Variants in LIMCH1 observed in about 807,000 individuals in gnomAD.
LIMCH1 encodes the protein LIM and calponin homology domains-containing protein 1.
Under a neutral mutation model 176.5 loss-of-function variants are expected in LIMCH1, and 113 were observed. The ratio of observed to expected loss-of-function variants is 0.64; its 90% CI spans 0.55 to 0.75. The LOEUF (loss-of-function observed/expected upper bound fraction) is 0.75. Among genes scored for constraint, LIMCH1 ranks in the 30% least tolerant of loss-of-function variants. The pLI, the probability that LIMCH1 is intolerant of heterozygous loss-of-function variation, is 0.00. For missense variants in LIMCH1, 1,674 were observed against 1,814.9 expected (o/e 0.92, Z 1.41); for synonymous variants, 619 against 645.9 (o/e 0.96, Z 0.63).
At chr4:41,483,383 A>G (rs1329551033) in intron 1 of LIMCH1, among the ~76,000 whole-genome samples, 1 of 152,140 alleles carries the variant, frequency 6.6e-6, no homozygotes, top group East Asian at 1.9e-4. Context: ...ATCATTGGCT[A>G]TACATAGGAG....
intron 27 of LIMCH1, among the ~76,000 whole-genome samples, chr4:41,685,073 A>C (rs1361574290): frequency 6.6e-6 from 1 of 152,200 alleles, no homozygotes; most frequent in Non-Finnish European, 1.5e-5. Context: ...TCAAATGTTG[A>C]ATGATATAAA....
chr4:41,626,988 AAAAG>A lies in LIMCH1; in HGVS notation c.1009_1012del (p.Arg337ValfsTer2). On this transcript the variant is annotated frameshift_variant, in exon 8 of 32. Transcript: ENST00000503057. LOFTEE classifies it high-confidence loss of function. ...ACAGCTCTCAAAGGGAATCTCAAAA[AAAAG>A]AAGTCTAGAATATAAAAGGTGTGCA... is the stretch of plus-strand genomic sequence containing the variant. 1 of 1,534,710 alleles carries A rather than the reference AAAAG, an allele frequency of 6.5e-7. No homozygotes were observed. The highest frequency in any genetic ancestry group is 2.4e-5 in the East Asian group (1 of 40,884).
At position 41,484,032 on chromosome 4, in the gene LIMCH1, A is replaced by G. The variant is rs372538841; in HGVS notation, c.97-10504A>G. 1.9e-3 allele frequency among the ~76,000 whole-genome samples: 293 copies of G among 152,372 alleles called. 1 individual carries two copies. The South Asian group carries it at 0.022, about 11-fold the overall frequency. On this transcript the variant is annotated intron_variant, in intron 1 of 26. Transcript: ENST00000313860. ...GCTTTAAAATAGAAGCAATAATCAA[A>G]CACCATAAAGTTGTTATGAGGTTTA...
At chr4:41,457,518 T>C (rs2064763363) in intron 1 of LIMCH1, among the ~76,000 whole-genome samples, 1 of 152,166 alleles carries the variant, frequency 6.6e-6, no homozygotes, top group Non-Finnish European at 1.5e-5. Flanking sequence ...ATCCTCCCAA[T>C]AGTACTGAAG....
chr4:41,494,503 A>T (rs1261680823), intron 1 of LIMCH1: 2 of 1,556,702 alleles, frequency 1.3e-6, no homozygotes, highest in East Asian at 4.5e-5. Flanking sequence ...AAAAAGAAAA[A>T]CTTATGTGCT....
intron 21 of LIMCH1, chr4:41,671,044 G>T: frequency 2.2e-6 from 2 of 897,170 alleles, no homozygotes; most frequent in Non-Finnish European, 2.7e-6. Context: ...ATTTTCTTGA[G>T]AGTCCCCTGC....
Position 41,626,855 on chromosome 4 carries a change from T to G in LIMCH1, c.873T>G (p.Phe291Leu). ...CRLPDLEKDDFAARRARMNQT... is the reference protein window; with the variant it reads ...CRLPDLEKDDLAARRARMNQT... ...TGCCTGATCTTGAGAAGGATGACTT[T>G]GCTGCAAGGAGAGCAAGGATGAACC... Residue 291 changes from phenylalanine (F) to leucine (L), a missense_variant, in exon 8 of 32, where the codon TTT (phenylalanine) becomes TTG (leucine). Around this residue, in one of 3 missense-constraint regions of LIMCH1, gnomAD observed 655 missense variants for 692.2 expected, o/e 0.95. Transcript: ENST00000503057. The G allele has an allele frequency of 6.5e-7, 1 of 1,536,190 alleles. No individual in the cohort carries two copies. Among genetic ancestry groups the G allele is most frequent in the East Asian group, 2.4e-5 (1 of 40,906 alleles).
At chr4:41,508,221 G>A (rs894951319) in intron 2 of LIMCH1, among the ~76,000 whole-genome samples, 3 of 152,194 alleles carry the variant, frequency 2.0e-5, no homozygotes, top group African/African-American at 7.2e-5. Flanking sequence ...TAAGGATTTG[G>A]TGGTTTGATT....
At chr4:41,682,307 A>G (rs1716653353) in intron 25 of LIMCH1, 26 bp from the exon 26 acceptor site, 7 of 1,584,614 alleles carry the variant, frequency 4.4e-6, no homozygotes, top group Non-Finnish European at 4.3e-6. Context: ...ATTTATACTT[A>G]AGATTTTCAT....
intron 31 of LIMCH1, among the ~76,000 whole-genome samples, chr4:41,693,996 G>A (rs888704588): frequency 8.6e-5 from 13 of 151,892 alleles, no homozygotes; most frequent in Non-Finnish European, 1.9e-4. Context: ...CATTTCTTTT[G>A]GAAATTAGCT....
chr4:41,371,024 C>T (rs1245413138), intron 1 of LIMCH1, among the ~76,000 whole-genome samples: 7 of 152,130 alleles, frequency 4.6e-5, no homozygotes, highest in African/African-American at 7.2e-5. Flanking sequence ...TGCTGTGTCC[C>T]GCTGCCTTAT....
At chr4:41,531,480 AC>A (rs2077289430) in intron 3 of LIMCH1, among the ~76,000 whole-genome samples, 1 of 113,992 alleles carries the variant, frequency 8.8e-6, no homozygotes, top group African/African-American at 4.2e-5. Context: ...TCTGTCACAC[AC>A]ACACACACAC....
chr4:41,435,790 A>G (rs892309471), intron 1 of LIMCH1, among the ~76,000 whole-genome samples: 29 of 152,220 alleles, frequency 1.9e-4, no homozygotes, highest in African/African-American at 6.8e-4. Flanking sequence ...ATGCAAGATC[A>G]GGGTCTCATA....
At chr4:41,430,410 C>T (rs975776428) in intron 1 of LIMCH1, among the ~76,000 whole-genome samples, 4 of 152,118 alleles carry the variant, frequency 2.6e-5, no homozygotes, top group Admixed American at 6.5e-5. Flanking sequence ...ACTACAGGCA[C>T]GTGCCACTAC....
At chr4:41,372,199 C>T (rs1181869927) in intron 1 of LIMCH1, among the ~76,000 whole-genome samples, 1 of 152,146 alleles carries the variant, frequency 6.6e-6, no homozygotes, top group East Asian at 1.9e-4. Flanking sequence ...TGCGCTCTTG[C>T]CCCCCACCTT....
chr4:41,682,660 A>AT (rs1054518347), intron 26 of LIMCH1, among the ~76,000 whole-genome samples, 200 bp downstream of exon 26: 1 of 141,846 alleles, frequency 7.0e-6, no homozygotes, highest in African/African-American at 2.6e-5. Context: ...AAATAGCCTT[A>AT]TTTTTTTTCT....
intron 1 of LIMCH1, among the ~76,000 whole-genome samples, chr4:41,591,470 C>CT (rs551769276): frequency 7.9e-4 from 120 of 152,268 alleles, no homozygotes; most frequent in African/African-American, 2.7e-3. Context: ...TCTTGAACTT[C>CT]TGGCCTCAAG....
At chr4:41,469,045 G>A (rs549522634) in intron 1 of LIMCH1, among the ~76,000 whole-genome samples, 25 of 152,176 alleles carry the variant, frequency 1.6e-4, no homozygotes, top group African/African-American at 4.8e-4. Context: ...AGCTTTCACC[G>A]TGATATTTGT....
rs114232884 is a variant in LIMCH1, at chr4:41,574,768, G to A, written c.-240-24152G>A. ...TTTTTGCTTTCTGGAAAACATTTATGAGACTGTGTAAGGGAGCGAAATAGG... is the reference window on the plus strand; with the variant it reads ...TTTTTGCTTTCTGGAAAACATTTATAAGACTGTGTAAGGGAGCGAAATAGG... On this transcript the variant is annotated intron_variant, in intron 1 of 31. Coordinates refer to ENST00000503057, the MANE Select transcript of LIMCH1 (RefSeq NM_001330672.2). 2.3e-3 allele frequency among the ~76,000 whole-genome samples: 354 copies of A among 152,286 alleles called. 3 individuals carry two copies. The highest frequency in any genetic ancestry group is 8.3e-3 in the African/African-American group (345 of 41,558).
Sources: allele counts gnomAD v4.1 joint callset (sites outside exome capture counted in the v4.1 genomes callset), GRCh38; gene constraint gnomAD v4.1.1; regional missense constraint gnomAD v4.1.1; transcripts MANE v1.5; gene names NCBI Gene and HGNC (gene_info 2026-07-23, HGNC 2026-07-21).